The following FAM184B variants were observed in gnomAD, a reference collection of about 807,000 sequenced individuals.
The protein encoded by FAM184B is protein FAM184B.
FAM184B carries 111 observed loss-of-function variants against 135.9 expected under a neutral mutation model. The ratio of observed to expected loss-of-function variants is 0.82; its 90% CI spans 0.70 to 0.96. FAM184B has a LOEUF of 0.96. Among genes scored for constraint, FAM184B ranks in the 40% least tolerant of loss-of-function variants. FAM184B has a pLI of 0.00. For synonymous variants in FAM184B, 552 were observed against 524.8 expected (o/e 1.05, Z -0.71); for missense variants, 1,375 against 1,323.9 (o/e 1.04, Z -0.60).
rs998154867 is a variant in FAM184B at position 17,648,409 on chromosome 4, C to T, written c.2192-618G>A. Among the ~76,000 whole-genome samples, 9 of 151,912 alleles carry T rather than the reference C, an allele frequency of 5.9e-5. No homozygotes were observed. The East Asian group carries it at 1.7e-3, about 29-fold the overall frequency. ...TTTCCCAGGCTGGAGTGCAGTGACA[C>T]GATCTCGGCTCACTGCAGCCTCCAC... is the stretch of plus-strand genomic sequence containing the variant. On this transcript the variant is annotated intron_variant, in intron 11 of 17. Transcript: ENST00000265018.
At chr4:17,687,614 T>C (rs1161387032) in intron 7 of FAM184B, among the ~76,000 whole-genome samples, 2 of 152,126 alleles carry the variant, frequency 1.3e-5, no homozygotes, top group African/African-American at 2.4e-5. Context: ...CTAAAGCCAG[T>C]GACTGGTGTC....
intron 7 of FAM184B, among the ~76,000 whole-genome samples, chr4:17,677,608 A>G (rs1165956751): frequency 6.6e-6 from 1 of 152,216 alleles, no homozygotes; most frequent in African/African-American, 2.4e-5. Flanking sequence ...GAAGAATCAT[A>G]TTAATCCTAT....
intron 1 of FAM184B, among the ~76,000 whole-genome samples, chr4:17,751,738 G>C (rs1174864629): frequency 3.3e-5 from 5 of 151,110 alleles, no homozygotes; most frequent in Admixed American, 2.7e-4. Context: ...AAGGAATATT[G>C]CTCCAGGGAA....
intron 11 of FAM184B, among the ~76,000 whole-genome samples, chr4:17,651,470 G>A (rs916960670): frequency 2.2e-5 from 3 of 139,036 alleles, no homozygotes; most frequent in Admixed American, 8.1e-5. Context: ...CCCAGGAGGC[G>A]GAGCTTGCAG....
intron 1 of FAM184B, among the ~76,000 whole-genome samples, chr4:17,734,875 T>G (rs1024391448): frequency 5.9e-5 from 9 of 152,142 alleles, no homozygotes; most frequent in Non-Finnish European, 1.2e-4. Flanking sequence ...TAAAGACACA[T>G]GCACACGTAT....
At chr4:17,683,297 C>T (rs779863757) in intron 7 of FAM184B, among the ~76,000 whole-genome samples, 10 of 152,212 alleles carry the variant, frequency 6.6e-5, no homozygotes, top group Admixed American at 2.6e-4. Flanking sequence ...AAGTTAAACA[C>T]GCACACACCA....
chr4:17,745,037 C>T (rs571369077), intron 1 of FAM184B, among the ~76,000 whole-genome samples: 3 of 152,330 alleles, frequency 2.0e-5, no homozygotes, highest in Admixed American at 2.0e-4. Context: ...CTGCATCGCT[C>T]TCCTTCCTCT....
intron 1 of FAM184B, among the ~76,000 whole-genome samples, chr4:17,767,616 C>T (rs1268355078): frequency 2.6e-5 from 4 of 152,158 alleles, no homozygotes; most frequent in Non-Finnish European, 5.9e-5. Flanking sequence ...GCATTATGGG[C>T]ATGGTGACGT....
rs761401283 is a variant in FAM184B at position 17,720,515 on chromosome 4, ATTGGAGCCCC to A, written c.142-10881_142-10872del. Among the ~76,000 whole-genome samples the A allele has an allele frequency of 8.9e-4, 136 of 152,312 alleles. No homozygotes were observed. In the Middle Eastern group the frequency reaches 0.014, roughly 15 times the overall value. On this transcript the variant is annotated intron_variant, in intron 1 of 17. Transcript: ENST00000265018. The stretch of plus-strand genomic sequence containing the variant: ...GAAATGTTGGTGAGGATGTGGAAAA[ATTGGAGCCCC>A]TGTACATTGCTGGTGGGAATGTAAA...
intron 7 of FAM184B, among the ~76,000 whole-genome samples, chr4:17,684,712 T>C (rs1448807938): frequency 6.6e-6 from 1 of 152,218 alleles, no homozygotes; most frequent in African/African-American, 2.4e-5. Context: ...GCTGCAACTC[T>C]ATAGAGGAGG....
intron 1 of FAM184B, among the ~76,000 whole-genome samples, chr4:17,726,568 C>T (rs1717642705): frequency 6.6e-6 from 1 of 152,114 alleles, no homozygotes; most frequent in Non-Finnish European, 1.5e-5. Flanking sequence ...GACGGGGTTT[C>T]ACCATGTTGG....
intron 16 of FAM184B, among the ~76,000 whole-genome samples, chr4:17,634,695 GA>G (rs1715069302): frequency 6.6e-6 from 1 of 152,132 alleles, no homozygotes; most frequent in Non-Finnish European, 1.5e-5. Flanking sequence ...TGCTCATTGT[GA>G]AAAATTCCAA....
chr4:17,764,964 G>A (rs1020905722), intron 1 of FAM184B, among the ~76,000 whole-genome samples: 4 of 152,118 alleles, frequency 2.6e-5, no homozygotes, highest in Non-Finnish European at 5.9e-5. Context: ...TACTCAGGAG[G>A]CTAAGGTGGG....
chr4:17,778,005 A>G (rs1050568357), intron 1 of FAM184B, among the ~76,000 whole-genome samples: 3 of 151,982 alleles, frequency 2.0e-5, no homozygotes, highest in African/African-American at 7.3e-5. Context: ...TGGGAGGTCA[A>G]GGTTGTAGTG....
intron 1 of FAM184B, among the ~76,000 whole-genome samples, chr4:17,740,351 C>CAAAAAAA (rs55801096): frequency 1.2e-5 from 1 of 84,524 alleles, no homozygotes; most frequent in African/African-American, 5.0e-5. Context: ...GACCCTGTCT[C>CAAAAAAA]AAAAAAAAAA....
At chr4:17,749,714 A>G (rs998938584) in intron 1 of FAM184B, among the ~76,000 whole-genome samples, 1 of 152,224 alleles carries the variant, frequency 6.6e-6, no homozygotes, top group Non-Finnish European at 1.5e-5. Context: ...AATCAAAGCT[A>G]GAAGAATAAA....
intron 1 of FAM184B, among the ~76,000 whole-genome samples, chr4:17,721,110 C>T (rs112565409): frequency 0.013 from 2,011 of 151,388 alleles, 53 homozygotes; most frequent in African/African-American, 0.045. Context: ...CTCGGCTGGG[C>T]GCGGTGGCTT....
At chr4:17,770,917 C>A (rs1421373049) in intron 1 of FAM184B, among the ~76,000 whole-genome samples, 1 of 152,208 alleles carries the variant, frequency 6.6e-6, no homozygotes, top group African/African-American at 2.4e-5. Context: ...GCGGAACCAT[C>A]ACCACAACCA....
intron 1 of FAM184B, among the ~76,000 whole-genome samples, chr4:17,756,860 G>A (rs765528738): frequency 6.6e-6 from 1 of 152,174 alleles, no homozygotes; most frequent in Non-Finnish European, 1.5e-5. Flanking sequence ...GGAGGTGGAG[G>A]TTGCAGTGAG....
Sources: gnomAD v4.1 joint callset for allele counts (sites outside exome capture counted in the v4.1 genomes callset) on GRCh38, gnomAD v4.1.1 for gene constraint, MANE v1.5 for transcripts, NCBI Gene and HGNC (gene_info 2026-07-23, HGNC 2026-07-21) for gene names.